ASXL2: variants seen among roughly 807,000 people sequenced by gnomAD.
ASXL2 encodes ASXL transcriptional regulator 2.
A neutral mutation model predicts 122.0 loss-of-function variants in ASXL2; 23 were observed. The observed-to-expected ratio is 0.19, with a 90% CI of 0.14 to 0.27. The LOEUF is 0.27. ASXL2 is among the 10% of genes least tolerant of loss of function. The pLI is 1.00. For missense variants in ASXL2, 1,518 were observed against 1,713.8 expected, an observed-to-expected ratio of 0.89 and a Z score of 2.02; for synonymous variants, 650 against 637.0, an observed-to-expected ratio of 1.02 and a Z score of -0.31.
intron 9 of ASXL2, among the ~76,000 whole-genome samples, chr2:25,756,465 G>GAAAAAAAAAAAAAAAAAAAAAAAAAA (rs71399321): frequency 3.3e-5 from 3 of 91,412 alleles, no homozygotes; most frequent in Admixed American, 1.2e-4. Flanking sequence ...AAAAAAAAAA[G>GAAAAAAAAAAAAAAAAAAAAAAAAAA]AAAAAAAAAA....
At chr2:25,841,649 C>G (rs554895992) in intron 2 of ASXL2, among the ~76,000 whole-genome samples, 1 of 152,152 alleles carries the variant, frequency 6.6e-6, no homozygotes, top group East Asian at 1.9e-4. Context: ...GAGTTCGAGA[C>G]CAGCCTGGCC....
intron 5 of ASXL2, among the ~76,000 whole-genome samples, chr2:25,790,332 G>C (rs1437636852): frequency 3.0e-5 from 4 of 135,368 alleles, no homozygotes; most frequent in Non-Finnish European, 6.3e-5. Context: ...GGGGGTGGGG[G>C]GGGTGTGAGA....
Position 25,855,882 on chromosome 2 carries a change from CATTTATTT to C in ASXL2, c.58-10327_58-10320del, listed in dbSNP as rs147256555. Among the ~76,000 whole-genome samples the C allele has an allele frequency of 7.7e-5, 11 of 142,464 alleles. 1 individual carries two copies. The highest frequency in any genetic ancestry group is 7.0e-5 in the Admixed American group (1 of 14,384). The allele number at this position is 142,464 out of a possible 152,430, so 93.5% of individuals were successfully genotyped here. On this transcript the variant is annotated intron_variant, in intron 1 of 12. Coordinates refer to ENST00000435504, the MANE Select transcript of ASXL2 (RefSeq NM_018263.6). ...AGACAGAAACACAATCTTGATAATG[CATTTATTT>C]ATTTATTTATTTATTTATTTAGAGA...
intron 5 of ASXL2, among the ~76,000 whole-genome samples, chr2:25,778,106 G>T (rs913372104): frequency 6.6e-6 from 1 of 152,144 alleles, no homozygotes; most frequent in East Asian, 1.9e-4. Context: ...CCTATAGCTG[G>T]CTGATAATGG....
chr2:25,848,466 C>A (rs951817611), intron 1 of ASXL2, among the ~76,000 whole-genome samples: 7 of 151,680 alleles, frequency 4.6e-5, no homozygotes, highest in African/African-American at 1.7e-4. Context: ...ACTAAAAATA[C>A]AAAAAAAGTA....
chr2:25,758,659 G>C (rs1033367653), intron 9 of ASXL2, among the ~76,000 whole-genome samples: 1 of 149,634 alleles, frequency 6.7e-6, no homozygotes, highest in African/African-American at 2.5e-5. Flanking sequence ...CAAACCTTTG[G>C]CATTTCTTTT....
At chr2:25,805,436 A>C (rs2089066916) in intron 4 of ASXL2, among the ~76,000 whole-genome samples, 1 of 152,080 alleles carries the variant, frequency 6.6e-6, no homozygotes, top group Non-Finnish European at 1.5e-5. Flanking sequence ...AGAAAAATAT[A>C]CATTTTCCTA....
At chr2:25,775,503 G>C (rs536071952) in intron 5 of ASXL2, among the ~76,000 whole-genome samples, 34 of 152,258 alleles carry the variant, frequency 2.2e-4, no homozygotes, top group African/African-American at 7.9e-4. Flanking sequence ...GAAGTAGGAA[G>C]GTGACTGGAT....
chr2:25,834,534 T>C (rs947134000), intron 3 of ASXL2, among the ~76,000 whole-genome samples: 1 of 152,310 alleles, frequency 6.6e-6, no homozygotes. Flanking sequence ...ATGAACTTAA[T>C]GGACTACAAA....
chr2:25,820,594 T>C (rs1267845976), intron 3 of ASXL2, among the ~76,000 whole-genome samples: 1 of 152,180 alleles, frequency 6.6e-6, no homozygotes, highest in Non-Finnish European at 1.5e-5. Context: ...TACAGGCTGT[T>C]AGGAGGAGCC....
intron 5 of ASXL2, among the ~76,000 whole-genome samples, chr2:25,798,044 A>C (rs2088936488): frequency 6.6e-6 from 1 of 152,228 alleles, no homozygotes; most frequent in Admixed American, 6.5e-5. Flanking sequence ...AATGGAAAGA[A>C]ATGACCTATT....
chr2:25,788,589 T>G (rs146439519), intron 5 of ASXL2, among the ~76,000 whole-genome samples: 13 of 152,342 alleles, frequency 8.5e-5, no homozygotes, highest in African/African-American at 2.9e-4. Context: ...TTATTTCACA[T>G]GATCACTAGC....
intron 2 of ASXL2, among the ~76,000 whole-genome samples, chr2:25,838,869 T>A (rs1011983927): frequency 6.6e-6 from 1 of 152,200 alleles, no homozygotes; most frequent in African/African-American, 2.4e-5. Flanking sequence ...AATGGACACA[T>A]CTCTCTGAAT....
At chr2:25,811,271 T>A (rs572881483) in intron 3 of ASXL2, among the ~76,000 whole-genome samples, 1 of 150,710 alleles carries the variant, frequency 6.6e-6, no homozygotes, top group African/African-American at 2.4e-5. Context: ...AATAAATAAA[T>A]AAATAAATAA....
intron 11 of ASXL2, among the ~76,000 whole-genome samples, chr2:25,751,635 G>GAAA (rs1347207684): frequency 1.7e-4 from 21 of 126,758 alleles, no homozygotes; most frequent in African/African-American, 6.0e-4. Flanking sequence ...CCCTGTCTTT[G>GAAA]AAAAAAAAAA....
intron 3 of ASXL2, among the ~76,000 whole-genome samples, chr2:25,826,068 T>C (rs929451142): frequency 1.3e-5 from 2 of 152,184 alleles, no homozygotes; most frequent in Admixed American, 1.3e-4. Context: ...CCTCAAGCAT[T>C]TCCAATTATT....
At chr2:25,768,266 A>G (rs1390126703) in intron 7 of ASXL2, among the ~76,000 whole-genome samples, 1 of 152,228 alleles carries the variant, frequency 6.6e-6, no homozygotes, top group African/African-American at 2.4e-5. Context: ...CCATCTTTAA[A>G]GTCAGTCATT....
At chr2:25,799,041 T>C (rs969754525) in intron 5 of ASXL2, among the ~76,000 whole-genome samples, 1 of 152,070 alleles carries the variant, frequency 6.6e-6, no homozygotes. Flanking sequence ...GCTGTGCATG[T>C]GGCGGGGGAG....
intron 3 of ASXL2, among the ~76,000 whole-genome samples, chr2:25,825,742 A>G (rs2089367521): frequency 6.6e-6 from 1 of 152,196 alleles, no homozygotes; most frequent in African/African-American, 2.4e-5. Context: ...TCACGCTGCT[A>G]TGAACACTAG....
Sources: allele counts gnomAD v4.1 joint callset (sites outside exome capture counted in the v4.1 genomes callset), GRCh38; gene constraint gnomAD v4.1.1; transcripts MANE v1.5; gene names NCBI Gene and HGNC (gene_info 2026-07-23, HGNC 2026-07-21).